RABL3: variants seen among roughly 807,000 people sequenced by gnomAD.
RABL3 encodes RAB, member of RAS oncogene family like 3.
Under a neutral mutation model 31.8 loss-of-function variants are expected in RABL3, and 31 were observed. The ratio of observed to expected loss-of-function variants is 0.97; its 90% CI spans 0.73 to 1.31. The LOEUF (loss-of-function observed/expected upper bound fraction) is 1.31. Among genes scored for constraint, RABL3 ranks in the 40% most tolerant of loss-of-function variants. The pLI is 0.00. For synonymous variants in RABL3, 97 were observed against 99.9 expected, an observed-to-expected ratio of 0.97 and a Z score of 0.18; for missense variants, 263 against 279.6, an observed-to-expected ratio of 0.94 and a Z score of 0.42.
intron 7 of RABL3, 92 bp from the exon 8 acceptor site, chr3:120,689,980 T>C (rs1708360692): frequency 1.0e-6 from 1 of 991,740 alleles, no homozygotes; most frequent in East Asian, 2.4e-5. Flanking sequence ...TTTCTGTATG[T>C]CAGCCTGCTG....
intron 2 of RABL3, among the ~76,000 whole-genome samples, chr3:120,714,061 T>TG (rs1708641145): frequency 6.6e-6 from 1 of 152,122 alleles, no homozygotes; most frequent in African/African-American, 2.4e-5. Context: ...CCGCCTGCCT[T>TG]GGCCTCCCAA....
intron 1 of RABL3, among the ~76,000 whole-genome samples, chr3:120,740,638 G>T (rs6438593): frequency 6.6e-6 from 1 of 152,070 alleles, no homozygotes; most frequent in African/African-American, 2.4e-5. Flanking sequence ...ATAAACTTTC[G>T]GGTTTGAAAG....
rs1473550463 is a variant in RABL3 at position 120,687,425 on chromosome 3, G to C, written c.*2398C>G. 6.6e-6 allele frequency: 1 copy of C among 152,148 alleles called. No homozygotes were observed. The highest frequency in any genetic ancestry group is 1.5e-5 in the Non-Finnish European group (1 of 68,026). 9.4% of individuals were successfully genotyped at this position (152,148 alleles called of 1,614,324 possible). On this transcript the variant is annotated 3_prime_UTR_variant, in exon 8 of 8. Transcript: ENST00000273375. ...AGTCTCCTAGAGTGCTGGGATTATAGGCGTGAGCCAGCACCTGGCCAATTA... is the reference window on the plus strand; with the variant it reads ...AGTCTCCTAGAGTGCTGGGATTATACGCGTGAGCCAGCACCTGGCCAATTA...
chr3:120,721,158 C>T (rs917564745), intron 2 of RABL3, among the ~76,000 whole-genome samples: 3 of 152,166 alleles, frequency 2.0e-5, no homozygotes, highest in African/African-American at 7.2e-5. Flanking sequence ...CACCACCAGG[C>T]CTGCCCTAAA....
chr3:120,704,046 T>C (rs757030606), intron 4 of RABL3, among the ~76,000 whole-genome samples: 1 of 152,192 alleles, frequency 6.6e-6, no homozygotes, highest in South Asian at 2.1e-4. Context: ...ATACTTCCAA[T>C]TAATTCTATG....
At chr3:120,741,734 A>G (rs1222838987) in intron 1 of RABL3, among the ~76,000 whole-genome samples, 3 of 152,220 alleles carry the variant, frequency 2.0e-5, no homozygotes, top group African/African-American at 7.2e-5. Flanking sequence ...GTTAAATCCT[A>G]GCTGCTTCAG....
chr3:120,721,341 A>G (rs962126451), intron 2 of RABL3, among the ~76,000 whole-genome samples: 1 of 152,192 alleles, frequency 6.6e-6, no homozygotes, highest in Non-Finnish European at 1.5e-5. Context: ...AACAATATTA[A>G]CCTTAAATTG....
At position 120,690,503 on chromosome 3, in the gene RABL3, A is replaced by AT. The variant is rs535988119; in HGVS notation, c.607-17dup. The AT allele has an allele frequency of 1.5e-4, 248 of 1,600,312 alleles. No homozygotes were observed. In the African/African-American group the frequency reaches 3.0e-3, roughly 19 times the overall value. On this transcript the variant is annotated splice_polypyrimidine_tract_variant and intron_variant, in intron 6 of 7. Coordinates refer to ENST00000273375, the MANE Select transcript of RABL3 (RefSeq NM_173825.5). ...TCTCTATGACCTGTGAAAAACAAAG[A>AT]TTTTAAAGGCTTAGCACACATACCT...
intron 4 of RABL3, 85 bp from the exon 5 acceptor site, chr3:120,698,658 AT>A: frequency 8.8e-7 from 1 of 1,136,816 alleles, no homozygotes; most frequent in Non-Finnish European, 1.2e-6. Flanking sequence ...AAGTTACACT[AT>A]TTTACTGAAA....
intron 2 of RABL3, among the ~76,000 whole-genome samples, chr3:120,726,705 C>CT (rs919141517): frequency 2.0e-5 from 3 of 151,898 alleles, no homozygotes; most frequent in Non-Finnish European, 4.4e-5. Context: ...GATCGTGCCA[C>CT]TGCACTCCAG....
At chr3:120,730,881 A>G in intron 1 of RABL3, 94 bp from the exon 2 acceptor site, 1 of 796,614 alleles carries the variant, frequency 1.3e-6, no homozygotes, top group Non-Finnish European at 2.2e-6. Context: ...AATAATGTTA[A>G]GTAAAGCATA....
At chr3:120,724,625 A>G (rs1336446458) in intron 2 of RABL3, among the ~76,000 whole-genome samples, 4 of 152,218 alleles carry the variant, frequency 2.6e-5, no homozygotes, top group African/African-American at 4.8e-5. Flanking sequence ...GGAACAGAAC[A>G]GAGCCCTCAG....
intron 4 of RABL3, 95 bp downstream of exon 4, chr3:120,705,905 A>G (rs1708542236): frequency 2.5e-6 from 2 of 785,002 alleles, no homozygotes; most frequent in East Asian, 2.5e-5. Flanking sequence ...TGAAAGAAAA[A>G]TCTTTGCAAA....
chr3:120,726,785 A>T (rs530834768), intron 2 of RABL3, among the ~76,000 whole-genome samples: 1 of 151,710 alleles, frequency 6.6e-6, no homozygotes, highest in South Asian at 2.1e-4. Flanking sequence ...ATAAAACAAT[A>T]AAAAAAACTG....
intron 1 of RABL3, among the ~76,000 whole-genome samples, chr3:120,733,124 T>G (rs990051772): frequency 6.6e-5 from 10 of 152,248 alleles, no homozygotes; most frequent in African/African-American, 2.4e-5. Flanking sequence ...TCTAGATCCT[T>G]GAGAAATCGC....
intron 1 of RABL3, among the ~76,000 whole-genome samples, chr3:120,737,131 G>T (rs180776396): frequency 8.7e-4 from 133 of 152,264 alleles, no homozygotes; most frequent in African/African-American, 2.9e-3. Flanking sequence ...TTCCAACTTG[G>T]TTCCATTCTC....
intron 2 of RABL3, 127 bp downstream of exon 2, chr3:120,730,569 T>C (rs1227645781): frequency 6.2e-6 from 4 of 643,438 alleles, no homozygotes; most frequent in Admixed American, 2.9e-5. Context: ...ACCTGGCACA[T>C]AGTATGAATG....
chr3:120,709,952 CA>C, intron 2 of RABL3, 43 bp from the exon 3 acceptor site: 1 of 1,453,406 alleles, frequency 6.9e-7, no homozygotes, highest in Non-Finnish European at 9.5e-7. Context: ...AGCCACTAAA[CA>C]AACTAGTAAG....
chr3:120,737,768 T>C (rs555396250), intron 1 of RABL3, among the ~76,000 whole-genome samples: 1 of 152,326 alleles, frequency 6.6e-6, no homozygotes, highest in African/African-American at 2.4e-5. Flanking sequence ...GCAGGTCTGT[T>C]GGATTTTGAT....
Sources: allele counts gnomAD v4.1 joint callset (sites outside exome capture counted in the v4.1 genomes callset), GRCh38; gene constraint gnomAD v4.1.1; transcripts MANE v1.5; gene names NCBI Gene and HGNC (gene_info 2026-07-23, HGNC 2026-07-21).